CDH18: variants seen among roughly 807,000 people sequenced by gnomAD.
CDH18 encodes cadherin 18.
CDH18 carries 31 observed loss-of-function variants against 67.9 expected under a neutral mutation model. That is an observed-to-expected ratio of 0.46 (90% confidence interval 0.34 to 0.62). The LOEUF (loss-of-function observed/expected upper bound fraction) is 0.62. CDH18 is among the 20% of genes least tolerant of loss of function. The pLI, the probability that CDH18 is intolerant of heterozygous loss-of-function variation, is 0.01. For synonymous variants in CDH18, 362 were observed against 347.2 expected, an observed-to-expected ratio of 1.04 and a Z score of -0.48; for missense variants, 890 against 975.5, an observed-to-expected ratio of 0.91 and a Z score of 1.17.
chr5:19,642,160 C>T (rs1178269906), intron 5 of CDH18, among the ~76,000 whole-genome samples: 3 of 151,762 alleles, frequency 2.0e-5, no homozygotes, highest in African/African-American at 7.3e-5. Flanking sequence ...AAATTAAAAA[C>T]ATTGATGAAG....
intron 3 of CDH18, among the ~76,000 whole-genome samples, chr5:19,830,567 G>T (rs1417488766): frequency 6.6e-6 from 1 of 151,988 alleles, no homozygotes; most frequent in Non-Finnish European, 1.5e-5. Flanking sequence ...AGAAAAGGGA[G>T]AACTTATACA....
intron 2 of CDH18, among the ~76,000 whole-genome samples, chr5:20,067,189 G>A (rs1028424270): frequency 2.6e-5 from 4 of 151,688 alleles, no homozygotes; most frequent in African/African-American, 9.7e-5. Flanking sequence ...CTTGAGCGTT[G>A]AGTATATTGG....
In CDH18 at chr5:19,544,010, A is replaced by G; in HGVS notation, c.1254-5T>C. On this transcript the variant is annotated splice_region_variant and splice_polypyrimidine_tract_variant and intron_variant, in intron 8 of 12. Coordinates refer to ENST00000382275, the MANE Select transcript of CDH18 (RefSeq NM_004934.5). Reference sequence around the variant, plus strand: ...ACATTGTAGTTGATGAAGTATCTAGAGAAAAAAAGAGAAGTTTTTACTTGA... The same window carrying G: ...ACATTGTAGTTGATGAAGTATCTAGGGAAAAAAAGAGAAGTTTTTACTTGA... The G allele has an allele frequency of 1.3e-6, 2 of 1,512,756 alleles. No individual in the cohort carries two copies. The highest frequency in any genetic ancestry group is 1.8e-6 in the Non-Finnish European group (2 of 1,116,406). The allele number at this position is 1,512,756 out of a possible 1,614,324, so 93.7% of individuals were successfully genotyped here. A position where few individuals can be genotyped will look rare whatever the true frequency, so the allele number is the denominator to read the frequency against.
chr5:20,147,410 C>T (rs1008863492), intron 2 of CDH18, among the ~76,000 whole-genome samples: 4 of 151,842 alleles, frequency 2.6e-5, no homozygotes, highest in Non-Finnish European at 2.9e-5. Flanking sequence ...TATTAGACTG[C>T]ACCATTAAAA....
chr5:19,740,841 G>A (rs1218517533), intron 4 of CDH18, among the ~76,000 whole-genome samples: 3 of 152,004 alleles, frequency 2.0e-5, no homozygotes, highest in African/African-American at 7.2e-5. Context: ...GGCATGTAAT[G>A]TAACTATAGA....
At chr5:20,084,504 C>A (rs533700842) in intron 2 of CDH18, among the ~76,000 whole-genome samples, 27 of 152,272 alleles carry the variant, frequency 1.8e-4, no homozygotes, top group Admixed American at 5.9e-4. Context: ...GAGTGACCCT[C>A]TTCTCATAGC....
At chr5:20,437,251 T>G (rs1288441483) in intron 1 of CDH18, among the ~76,000 whole-genome samples, 1 of 151,360 alleles carries the variant, frequency 6.6e-6, no homozygotes, top group Non-Finnish European at 1.5e-5. Flanking sequence ...TATACCTTTT[T>G]ATAATCCCAT....
chr5:20,324,819 C>T (rs1414837314), intron 1 of CDH18, among the ~76,000 whole-genome samples: 1 of 152,144 alleles, frequency 6.6e-6, no homozygotes, highest in Non-Finnish European at 1.5e-5. Flanking sequence ...CAGAAGGCAA[C>T]TTAGTATCTA....
At chr5:19,717,301 T>C (rs1765453440) in intron 5 of CDH18, among the ~76,000 whole-genome samples, 1 of 152,090 alleles carries the variant, frequency 6.6e-6, no homozygotes, top group African/African-American at 2.4e-5. Flanking sequence ...AGTTGTTAAC[T>C]ATGAAACAGC....
At chr5:20,002,697 G>A (rs760029648) in intron 2 of CDH18, among the ~76,000 whole-genome samples, 9 of 152,126 alleles carry the variant, frequency 5.9e-5, no homozygotes, top group East Asian at 1.9e-4. Context: ...AATGATTTGC[G>A]GAGATATCAA....
intron 1 of CDH18, among the ~76,000 whole-genome samples, chr5:20,541,316 T>A (rs1310119961): frequency 6.6e-6 from 1 of 152,168 alleles, no homozygotes; most frequent in Admixed American, 6.5e-5. Flanking sequence ...AATTTTACAC[T>A]AAATGCCTTA....
chr5:20,222,263 T>A, intron 2 of CDH18, among the ~76,000 whole-genome samples: 1 of 152,166 alleles, frequency 6.6e-6, no homozygotes, highest in East Asian at 1.9e-4. Context: ...TAAACAAAAA[T>A]TTTATTTACG....
chr5:20,174,781 G>A (rs953066224), intron 2 of CDH18, among the ~76,000 whole-genome samples: 2 of 152,092 alleles, frequency 1.3e-5, no homozygotes, highest in African/African-American at 2.4e-5. Flanking sequence ...ATGAAAACAT[G>A]CATGGATGTT....
intron 1 of CDH18, among the ~76,000 whole-genome samples, chr5:20,495,156 A>G (rs899471912): frequency 6.6e-6 from 1 of 152,128 alleles, no homozygotes; most frequent in East Asian, 1.9e-4. Context: ...CTACCGTATG[A>G]ATATTTGGCC....
intron 8 of CDH18, among the ~76,000 whole-genome samples, chr5:19,557,746 A>T (rs1290168161): frequency 6.6e-6 from 1 of 152,124 alleles, no homozygotes; most frequent in African/African-American, 2.4e-5. Flanking sequence ...GAAGACAGAA[A>T]GTCAACAAAG....
At chr5:20,178,037 C>T in intron 2 of CDH18, among the ~76,000 whole-genome samples, 1 of 152,196 alleles carries the variant, frequency 6.6e-6, no homozygotes, top group South Asian at 2.1e-4. Context: ...GAGTGGACTT[C>T]CTCTGATCAT....
intron 2 of CDH18, among the ~76,000 whole-genome samples, chr5:20,028,238 T>A (rs1292788930): frequency 6.6e-6 from 1 of 152,156 alleles, no homozygotes; most frequent in Non-Finnish European, 1.5e-5. Context: ...GTCTTGTCTT[T>A]CATTTATGGA....
intron 1 of CDH18, among the ~76,000 whole-genome samples, chr5:20,465,035 G>A (rs1751544774): frequency 6.6e-6 from 1 of 152,120 alleles, no homozygotes; most frequent in South Asian, 2.1e-4. Context: ...CTTCAGTAAA[G>A]TAGTAAATGA....
In CDH18 at chr5:19,706,488, G is replaced by T. The variant is rs147329264; in HGVS notation, c.643+14859C>A. Among the ~76,000 whole-genome samples, 65 of 152,302 alleles carry T rather than the reference G, an allele frequency of 4.3e-4. No individual in the cohort carries two copies. In the East Asian group the frequency reaches 0.012, roughly 29 times the overall value. On this transcript the variant is annotated intron_variant, in intron 5 of 12. Transcript: ENST00000382275. ...TTTTACAGGAGGAGTTAATCCTTGA[G>T]GATTGGAACCTAATTCTCTTTGGCA...
Sources: allele counts gnomAD v4.1 joint callset (sites outside exome capture counted in the v4.1 genomes callset), GRCh38; gene constraint gnomAD v4.1.1; transcripts MANE v1.5; gene names NCBI Gene and HGNC (gene_info 2026-07-23, HGNC 2026-07-21).